The following STAC variants were observed in gnomAD, a reference collection of about 807,000 sequenced individuals.
STAC encodes SH3 and cysteine-rich domain-containing protein.
Under a neutral mutation model 48.8 loss-of-function variants are expected in STAC, and 43 were observed. The observed-to-expected ratio is 0.88, with a 90% CI of 0.69 to 1.14. The LOEUF (loss-of-function observed/expected upper bound fraction) is 1.14, where lower values mean the gene tolerates loss of function less well. STAC is among the 50% of genes most tolerant of loss of function. The probability of loss-of-function intolerance (pLI) is 0.00; values close to 1 mark genes in which losing one functional copy is unlikely to be tolerated. For missense variants in STAC, 497 were observed against 504.0 expected (o/e 0.99, Z 0.13); for synonymous variants, 193 against 179.5 (o/e 1.07, Z -0.60).
intron 8 of STAC, among the ~76,000 whole-genome samples, chr3:36,509,106 T>G (rs150706036): frequency 2.4e-3 from 364 of 152,280 alleles, no homozygotes; most frequent in African/African-American, 8.4e-3. Context: ...TTACAAGGCA[T>G]GCCTGGTGGT....
chr3:36,397,255 A>G, intron 1 of STAC, among the ~76,000 whole-genome samples: 1 of 152,204 alleles, frequency 6.6e-6, no homozygotes. Flanking sequence ...TTTAGAAGAC[A>G]AATCAATTAA....
intron 10 of STAC, among the ~76,000 whole-genome samples, chr3:36,531,558 C>A (rs1699065636): frequency 6.6e-6 from 1 of 152,106 alleles, no homozygotes; most frequent in African/African-American, 2.4e-5. Flanking sequence ...GACAGAGTAC[C>A]AGATGTGATC....
At chr3:36,532,504 G>A (rs750405524) in intron 10 of STAC, among the ~76,000 whole-genome samples, 2 of 152,120 alleles carry the variant, frequency 1.3e-5, no homozygotes, top group Non-Finnish European at 2.9e-5. Context: ...GCCCAAAGTT[G>A]TTTGTTCCCC....
intron 2 of STAC, among the ~76,000 whole-genome samples, chr3:36,465,554 T>A (rs1441231885): frequency 6.6e-6 from 1 of 152,010 alleles, no homozygotes; most frequent in Non-Finnish European, 1.5e-5. Flanking sequence ...TCTAGAAGGG[T>A]TTTTCCAATG....
chr3:36,467,649 C>T (rs939337131), intron 2 of STAC, among the ~76,000 whole-genome samples: 9 of 152,016 alleles, frequency 5.9e-5, no homozygotes, highest in Non-Finnish European at 1.2e-4. Flanking sequence ...TCATAGTAAC[C>T]TTGAATAATC....
intron 1 of STAC, among the ~76,000 whole-genome samples, chr3:36,436,248 C>T (rs1700829996): frequency 6.6e-6 from 1 of 152,220 alleles, no homozygotes; most frequent in African/African-American, 2.4e-5. Context: ...TACTTCTGAT[C>T]AGGATTATCG....
At chr3:36,511,229 T>C (rs1282723861) in intron 8 of STAC, among the ~76,000 whole-genome samples, 1 of 152,118 alleles carries the variant, frequency 6.6e-6, no homozygotes, top group Non-Finnish European at 1.5e-5. Flanking sequence ...AACATCTCAT[T>C]TCTCTGATTT....
intron 8 of STAC, among the ~76,000 whole-genome samples, chr3:36,520,512 G>A (rs1223995434): frequency 6.6e-6 from 1 of 152,152 alleles, no homozygotes; most frequent in Non-Finnish European, 1.5e-5. Context: ...ACCCTGCAAG[G>A]TTTCAAGGCA....
chr3:36,515,601 T>C (rs1308712083), intron 8 of STAC, among the ~76,000 whole-genome samples: 2 of 152,116 alleles, frequency 1.3e-5, no homozygotes, highest in African/African-American at 4.8e-5. Flanking sequence ...TGAAAGCGGG[T>C]AGAGGAACAG....
chr3:36,542,066 G>A (rs1032343728), intron 10 of STAC, among the ~76,000 whole-genome samples: 8 of 151,724 alleles, frequency 5.3e-5, no homozygotes, highest in Non-Finnish European at 8.8e-5. Context: ...AGGGAAAGGA[G>A]GAAAGTCAAG....
At chr3:36,424,636 A>C (rs57385156) in intron 1 of STAC, among the ~76,000 whole-genome samples, 3,528 of 152,236 alleles carry the variant, frequency 0.023, 60 homozygotes, top group Non-Finnish European at 0.026. Flanking sequence ...GGTTGCAAGA[A>C]CAGGACAGGA....
chr3:36,465,416 T>A (rs1045506948), intron 2 of STAC, among the ~76,000 whole-genome samples: 33 of 152,212 alleles, frequency 2.2e-4, no homozygotes, highest in African/African-American at 7.7e-4. Context: ...GGCTGTGTGT[T>A]AACTCTGATG....
intron 1 of STAC, among the ~76,000 whole-genome samples, chr3:36,399,620 G>A (rs550108841): frequency 1.3e-5 from 2 of 152,294 alleles, no homozygotes; most frequent in African/African-American, 4.8e-5. Context: ...AGGTGGCCCA[G>A]CTGCCCTGCT....
chr3:36,422,400 T>G (rs1575188323), intron 1 of STAC, among the ~76,000 whole-genome samples: 1 of 152,222 alleles, frequency 6.6e-6, no homozygotes, highest in Non-Finnish European at 1.5e-5. Flanking sequence ...AATAAGCAAA[T>G]TATAAGCCTT....
chr3:36,413,658 C>A (rs945980987), intron 1 of STAC, among the ~76,000 whole-genome samples: 1 of 152,122 alleles, frequency 6.6e-6, no homozygotes, highest in Non-Finnish European at 1.5e-5. Flanking sequence ...TTAATTGGAG[C>A]ATTTAGCCCA....
intron 8 of STAC, among the ~76,000 whole-genome samples, chr3:36,527,114 TCCACCTA>T (rs1698956364): frequency 1.3e-5 from 2 of 152,078 alleles, no homozygotes; most frequent in South Asian, 4.1e-4. Context: ...CCTGTCCACA[TCCACCTA>T]CCTCCATTTT....
intron 2 of STAC, among the ~76,000 whole-genome samples, chr3:36,463,791 T>C (rs1363886681): frequency 6.6e-6 from 1 of 151,774 alleles, no homozygotes; most frequent in Non-Finnish European, 1.5e-5. Context: ...TGCGATAGTT[T>C]ACTGAGAATG....
At chr3:36,424,639 G>A (rs1700521961) in intron 1 of STAC, among the ~76,000 whole-genome samples, 1 of 151,904 alleles carries the variant, frequency 6.6e-6, no homozygotes, top group Non-Finnish European at 1.5e-5. Flanking sequence ...TGCAAGAACA[G>A]GACAGGAAAA....
chr3:36,490,860 A>G (rs1356375775), intron 5 of STAC, among the ~76,000 whole-genome samples: 1 of 152,192 alleles, frequency 6.6e-6, no homozygotes, highest in Admixed American at 6.5e-5. Context: ...TGGTTTTAGG[A>G]GCAAAAAGCA....
Sources: gnomAD v4.1 joint callset for allele counts (sites outside exome capture counted in the v4.1 genomes callset) on GRCh38, gnomAD v4.1.1 for gene constraint, MANE v1.5 for transcripts, NCBI Gene and HGNC (gene_info 2026-07-23, HGNC 2026-07-21) for gene names.